The following SLC25A13 variants were observed in gnomAD, a reference collection of about 807,000 sequenced individuals.
The protein encoded by SLC25A13 is electrogenic aspartate/glutamate antiporter SLC25A13, mitochondrial.
In SLC25A13, 70 loss-of-function variants were observed where a neutral mutation model predicts 85.5. The observed-to-expected ratio is 0.82, with a 90% CI of 0.68 to 1.00. SLC25A13 has a LOEUF of 1.00. SLC25A13 is among the 50% of genes least tolerant of loss of function. The probability of loss-of-function intolerance (pLI) is 0.00; values close to 1 mark genes in which losing one functional copy is unlikely to be tolerated. For synonymous variants in SLC25A13, 259 were observed against 288.7 expected, an observed-to-expected ratio of 0.90 and a Z score of 1.04; for missense variants, 765 against 819.8, an observed-to-expected ratio of 0.93 and a Z score of 0.82.
intron 3 of SLC25A13, among the ~76,000 whole-genome samples, chr7:96,251,880 T>C (rs561211131): frequency 6.6e-6 from 1 of 152,312 alleles, no homozygotes; most frequent in South Asian, 2.1e-4. Context: ...GGGTATAGAC[T>C]GAATGTGGGC....
At chr7:96,229,580 G>A (rs1796454982) in intron 4 of SLC25A13, among the ~76,000 whole-genome samples, 1 of 152,206 alleles carries the variant, frequency 6.6e-6, no homozygotes, top group South Asian at 2.1e-4. Context: ...GGTCCGCATT[G>A]CCTTTATGAG....
intron 4 of SLC25A13, among the ~76,000 whole-genome samples, chr7:96,229,536 C>G (rs1396993639): frequency 6.6e-6 from 1 of 152,118 alleles, no homozygotes; most frequent in South Asian, 2.1e-4. Context: ...TTCTTTTGCT[C>G]TTCACAATAA....
intron 13 of SLC25A13, among the ~76,000 whole-genome samples, chr7:96,152,728 G>A (rs1218510213): frequency 1.3e-5 from 2 of 152,122 alleles, no homozygotes; most frequent in Non-Finnish European, 2.9e-5. Flanking sequence ...GGAAAGTGGC[G>A]AGAGACCATG....
intron 13 of SLC25A13, among the ~76,000 whole-genome samples, chr7:96,159,686 T>A (rs991188237): frequency 6.6e-6 from 1 of 152,298 alleles, no homozygotes; most frequent in African/African-American, 2.4e-5. Context: ...TAAAGCAATA[T>A]AGAATTTTTT....
chr7:96,121,056 C>T lies in SLC25A13; in HGVS notation c.*135G>A. 1 of 941,276 alleles carries T rather than the reference C, an allele frequency of 1.1e-6. No homozygotes were observed. Among genetic ancestry groups the T allele is most frequent in the South Asian group, 1.4e-5 (1 of 72,974 alleles). 58.3% of individuals were successfully genotyped at this position (941,276 alleles called of 1,614,324 possible). A position where few individuals can be genotyped will look rare whatever the true frequency, so the allele number is the denominator to read the frequency against. The stretch of plus-strand genomic sequence containing the variant: ...AACACCCAGAAAATGAATGATTTCA[C>T]ATGATAAAAAAGCCTGGACTTGAAT... On this transcript the variant is annotated 3_prime_UTR_variant, in exon 18 of 18. Coordinates refer to ENST00000265631, the MANE Select transcript of SLC25A13 (RefSeq NM_014251.3).
chr7:96,293,882 A>T (rs1290138550), intron 2 of SLC25A13, among the ~76,000 whole-genome samples: 1 of 152,196 alleles, frequency 6.6e-6, no homozygotes, highest in South Asian at 2.1e-4. Context: ...CAATTCCTCA[A>T]GGATCTAGAA....
At chr7:96,136,922 A>G (rs1402801779) in intron 14 of SLC25A13, among the ~76,000 whole-genome samples, 3 of 152,122 alleles carry the variant, frequency 2.0e-5, no homozygotes, top group South Asian at 2.1e-4. Flanking sequence ...AGGTTATTCA[A>G]TGCTTCTGGC....
At chr7:96,160,788 T>A (rs1793478205) in intron 13 of SLC25A13, among the ~76,000 whole-genome samples, 1 of 152,194 alleles carries the variant, frequency 6.6e-6, no homozygotes, top group Non-Finnish European at 1.5e-5. Flanking sequence ...TTTCTTTTAA[T>A]TTTGCCCTCA....
chr7:96,301,860 T>G (rs1443321796), intron 1 of SLC25A13, among the ~76,000 whole-genome samples: 1 of 152,154 alleles, frequency 6.6e-6, no homozygotes, highest in East Asian at 1.9e-4. Context: ...ACTCCTGGCC[T>G]CAAGTGATCC....
chr7:96,188,293 G>A (rs527255401), intron 9 of SLC25A13, among the ~76,000 whole-genome samples: 8 of 152,284 alleles, frequency 5.3e-5, no homozygotes, highest in African/African-American at 1.4e-4. Flanking sequence ...AGAGGTGCTC[G>A]TTAGAATTTA....
chr7:96,284,544 G>A (rs1798812525), intron 2 of SLC25A13, among the ~76,000 whole-genome samples: 1 of 152,100 alleles, frequency 6.6e-6, no homozygotes, highest in Admixed American at 6.5e-5. Flanking sequence ...TCGCTACAGA[G>A]ATTTAGTTAC....
At chr7:96,165,162 G>A (rs1278875456) in intron 13 of SLC25A13, among the ~76,000 whole-genome samples, 1 of 152,056 alleles carries the variant, frequency 6.6e-6, no homozygotes, top group African/African-American at 2.4e-5. Flanking sequence ...TACCATGAAG[G>A]AGACAGAAAA....
At chr7:96,213,968 C>T (rs1406123135) in intron 4 of SLC25A13, among the ~76,000 whole-genome samples, 3 of 152,054 alleles carry the variant, frequency 2.0e-5, no homozygotes, top group Non-Finnish European at 4.4e-5. Context: ...CAGTCTGTGC[C>T]AAACAAGCTA....
chr7:96,277,248 T>C lies in SLC25A13; in HGVS notation c.160A>G (p.Asn54Asp). 6.2e-7 allele frequency: 1 copy of C among 1,610,914 alleles called. No individual in the cohort carries two copies. Among genetic ancestry groups the C allele is most frequent in the Non-Finnish European group, 8.5e-7 (1 of 1,178,404 alleles). Residue 54 changes from asparagine (N) to aspartate (D), a missense_variant, in exon 3 of 18, where the codon AAT becomes GAT. By Grantham distance (23) the Asn-to-Asp change is conservative (BLOSUM62 1). Coordinates refer to ENST00000265631, the MANE Select transcript of SLC25A13 (RefSeq NM_014251.3). ...CTTAAAAGTTCCACAGTCTTTGGAT[T>C]AGGCTGGCTTTCTCCAAAAATGTTC... ...YLNIFGESQP[N>D]PKTVELLSGV...
rs1791447482 is a variant in SLC25A13, at chr7:96,120,330, T to C, written c.*861A>G. On this transcript the variant is annotated 3_prime_UTR_variant, in exon 18 of 18. Transcript: ENST00000265631. Reference sequence around the variant, plus strand: ...TCAGAACATATTTGTCTTACATTATTCAAGATAAAGTGGATTTTAAAAGCA... The same window carrying C: ...TCAGAACATATTTGTCTTACATTATCCAAGATAAAGTGGATTTTAAAAGCA... 1 of 454,100 alleles carries C rather than the reference T, an allele frequency of 2.2e-6. No homozygotes were observed. The highest frequency in any genetic ancestry group is 4.4e-6 in the Non-Finnish European group (1 of 226,776). The allele number at this position is 454,100 out of a possible 1,614,324, so 28.1% of individuals were successfully genotyped here.
rs1015837814 is a variant in SLC25A13 at position 96,146,843 on chromosome 7, G to C, written c.1312-147C>G. The C allele has an allele frequency of 6.4e-5, 62 of 968,534 alleles. No homozygotes were observed. In the African/African-American group the frequency reaches 8.9e-4, roughly 14 times the overall value. 60.0% of individuals were successfully genotyped at this position (968,534 alleles called of 1,614,324 possible). A position where few individuals can be genotyped will look rare whatever the true frequency, so the allele number is the denominator to read the frequency against. On this transcript the variant is annotated intron_variant, in intron 13 of 17. Coordinates refer to ENST00000265631, the MANE Select transcript of SLC25A13 (RefSeq NM_014251.3). ...CTTGTCCCATCAATCAAAACGGTTA[G>C]GGATTACAAGTATGAATCAAAATAC...
At chr7:96,194,837 T>C (rs556860579) in intron 5 of SLC25A13, among the ~76,000 whole-genome samples, 27 of 152,348 alleles carry the variant, frequency 1.8e-4, no homozygotes, top group Non-Finnish European at 3.4e-4. Context: ...AGACATTTAA[T>C]AGTAAGAATC....
intron 4 of SLC25A13, among the ~76,000 whole-genome samples, chr7:96,226,415 T>A (rs1007440847): frequency 2.0e-5 from 3 of 152,174 alleles, no homozygotes; most frequent in Non-Finnish European, 4.4e-5. Flanking sequence ...GGCATTTAGG[T>A]CATTTCCACA....
intron 2 of SLC25A13, among the ~76,000 whole-genome samples, chr7:96,295,285 G>T (rs950653954): frequency 1.3e-5 from 2 of 152,200 alleles, no homozygotes; most frequent in African/African-American, 4.8e-5. Flanking sequence ...GGAGGTGGAG[G>T]TTGCAGTGAG....
Sources: allele counts gnomAD v4.1 joint callset (sites outside exome capture counted in the v4.1 genomes callset), GRCh38; gene constraint gnomAD v4.1.1; transcripts MANE v1.5; gene names NCBI Gene and HGNC (gene_info 2026-07-23, HGNC 2026-07-21).